SOD1: variants seen among roughly 807,000 people sequenced by gnomAD.
SOD1 encodes the protein superoxide dismutase 1, also known as superoxide dismutase [Cu-Zn].
A neutral mutation model predicts 15.9 loss-of-function variants in SOD1; 8 were observed. The observed-to-expected ratio is 0.50, with a 90% CI of 0.30 to 0.91. SOD1 has a LOEUF of 0.91. Ranked by LOEUF, SOD1 falls within the 40% of genes least tolerant of loss-of-function variation. The pLI, the probability that SOD1 is intolerant of heterozygous loss-of-function variation, is 0.07. For missense variants in SOD1, 137 were observed against 194.5 expected (o/e 0.70, Z 1.76); for synonymous variants, 86 against 71.2 (o/e 1.21, Z -1.04).
chr21:31,667,455 G>A (rs1257447222), intron 4 of SOD1, 80 bp downstream of exon 4: 19 of 1,040,682 alleles, frequency 1.8e-5, no homozygotes, highest in Admixed American at 5.1e-5. Context: ...TGTTAGTCGC[G>A]GTTTCTAAAG....
chr21:31,667,484 T>TG (rs1374919196), intron 4 of SOD1, 109 bp downstream of exon 4: 8 of 866,326 alleles, frequency 9.2e-6, no homozygotes, highest in Admixed American at 3.4e-5. Context: ...AAACTGTACT[T>TG]GCAGTTCAAA....
At chr21:31,666,751 A>C in intron 3 of SOD1, 3 of 565,622 alleles carry the variant, frequency 5.3e-6, no homozygotes, top group Non-Finnish European at 9.5e-6. Context: ...CATTTATTGA[A>C]TATAGAACTA....
Position 31,667,198 on chromosome 21 carries a change from G to A in SOD1, c.240-60G>A. 2 of 1,324,148 alleles carry A rather than the reference G, an allele frequency of 1.5e-6. 1 individual carries two copies. Among genetic ancestry groups the A allele is most frequent in the South Asian group, 2.4e-5 (2 of 84,268 alleles). 82.0% of individuals were successfully genotyped at this position (1,324,148 alleles called of 1,614,324 possible). A position where few individuals can be genotyped will look rare whatever the true frequency, so the allele number is the denominator to read the frequency against. ...TCAGTCAAGTTTTAATTTAGCTCATGAACTACCTTGATGTTTAGTGGCATC... is the reference window on the plus strand; with the variant it reads ...TCAGTCAAGTTTTAATTTAGCTCATAAACTACCTTGATGTTTAGTGGCATC... On this transcript the variant is annotated intron_variant, in intron 3 of 4. Transcript: ENST00000270142.
intron 2 of SOD1, among the ~76,000 whole-genome samples, chr21:31,666,121 A>C (rs1398733837): frequency 1.3e-5 from 2 of 151,980 alleles, no homozygotes; most frequent in Non-Finnish European, 2.9e-5. Flanking sequence ...ATAGGTGCGC[A>C]CCACCACGCC....
intron 2 of SOD1, among the ~76,000 whole-genome samples, chr21:31,665,055 A>G (rs569973474): frequency 2.6e-4 from 40 of 152,132 alleles, no homozygotes; most frequent in Non-Finnish European, 4.7e-4. Context: ...GCATAATGCC[A>G]TGTAAGAGTA....
chr21:31,667,443 A>T (rs1019732764), intron 4 of SOD1, 68 bp downstream of exon 4: 14 of 1,155,964 alleles, frequency 1.2e-5, no homozygotes, highest in Non-Finnish European at 1.7e-5. Flanking sequence ...TTTCACTTTG[A>T]TTGTTAGTCG....
In SOD1 at chr21:31,667,380, G is replaced by C; in HGVS notation, c.357+5G>C. The C allele has an allele frequency of 6.3e-7, 1 of 1,595,158 alleles. No homozygotes were observed. The highest frequency in any genetic ancestry group is 8.6e-7 in the Non-Finnish European group (1 of 1,162,648). ...ATCATTGGCCGCACACTGGTGGTAA[G>C]TTTTCATAAAAGGATATGCATAAAA... On this transcript the variant is annotated splice_donor_5th_base_variant and intron_variant, in intron 4 of 4. Coordinates refer to ENST00000270142, the MANE Select transcript of SOD1 (RefSeq NM_000454.5).
chr21:31,663,319 G>A (rs2049565198), intron 1 of SOD1, among the ~76,000 whole-genome samples: 2 of 152,246 alleles, frequency 1.3e-5, no homozygotes, highest in South Asian at 2.1e-4. Flanking sequence ...CAGCCTGGGC[G>A]ACAGAGCGAG....
intron 1 of SOD1, among the ~76,000 whole-genome samples, chr21:31,661,211 A>G (rs1476074537): frequency 6.6e-6 from 1 of 152,220 alleles, no homozygotes. Flanking sequence ...AAATGTCTGA[A>G]ATATATGTGA....
chr21:31,667,072 G>T (rs2049599922), intron 3 of SOD1, 186 bp from the exon 4 acceptor site: 2 of 637,264 alleles, frequency 3.1e-6, no homozygotes, highest in Non-Finnish European at 5.7e-6. Flanking sequence ...ATCAGGTGCA[G>T]CCCCATCTTT....
intron 3 of SOD1, 195 bp from the exon 4 acceptor site, chr21:31,667,063 T>A (rs1311094938): frequency 1.6e-6 from 1 of 619,326 alleles, no homozygotes; most frequent in African/African-American, 1.8e-5. Flanking sequence ...ACTTCTGAAA[T>A]CAGGTGCAGC....
At chr21:31,667,020 C>T (rs2049599344) in intron 3 of SOD1, 1 of 569,536 alleles carries the variant, frequency 1.8e-6, no homozygotes, top group African/African-American at 1.9e-5. Flanking sequence ...AATTAACAGG[C>T]ATAACTCAGT....
At chr21:31,662,370 C>A (rs2049555304) in intron 1 of SOD1, among the ~76,000 whole-genome samples, 1 of 152,190 alleles carries the variant, frequency 6.6e-6, no homozygotes, top group Non-Finnish European at 1.5e-5. Context: ...AGTGGAAAGT[C>A]ACATCTTAAG....
chr21:31,661,676 T>TA (rs2049550089), intron 1 of SOD1: 1 of 152,544 alleles, frequency 6.6e-6, no homozygotes, highest in African/African-American at 2.4e-5. Flanking sequence ...GTGCTATTCT[T>TA]AAGACGCCTC....
Position 31,668,706 on chromosome 21 carries a change from C to A in SOD1, c.*128C>A. 1 of 746,540 alleles carries A rather than the reference C, an allele frequency of 1.3e-6. No individual in the cohort carries two copies. Among genetic ancestry groups the A allele is most frequent in the Non-Finnish European group, 2.4e-6 (1 of 421,384 alleles). 46.2% of individuals were successfully genotyped at this position (746,540 alleles called of 1,614,324 possible). On this transcript the variant is annotated 3_prime_UTR_variant, in exon 5 of 5. Coordinates refer to ENST00000270142, the MANE Select transcript of SOD1 (RefSeq NM_000454.5). ...TAATTGTGTGACTTTTTCAGAGTTG[C>A]TTTAAAGTACCTGTAGTGAGAAACT...
intron 2 of SOD1, among the ~76,000 whole-genome samples, chr21:31,665,089 T>G (rs903725681): frequency 1.3e-5 from 2 of 152,128 alleles, no homozygotes; most frequent in African/African-American, 4.8e-5. Flanking sequence ...AACACAGGCT[T>G]CTTAGTGGGA....
intron 1 of SOD1, among the ~76,000 whole-genome samples, chr21:31,662,081 TGTTATTCACTTAAGTTCATAGCCTG>T (rs1478590892): frequency 6.6e-6 from 1 of 152,174 alleles, no homozygotes; most frequent in African/African-American, 2.4e-5. Flanking sequence ...CCCAGGCCTG[TGTTATTCACTTAAGTTCATAGCCTG>T]GTCCCTGCAG....
chr21:31,668,501 G>A lies in SOD1; in HGVS notation c.388G>A (p.Gly130Ser), dbSNP rs1464048449. The A allele has an allele frequency of 6.2e-6, 10 of 1,613,822 alleles. No homozygotes were observed. In the Admixed American group the frequency reaches 1.2e-4, roughly 19 times the overall value. ...TGAAAAAGCAGATGACTTGGGCAAAGGTGGAAATGAAGAAAGTACAAAGAC... is the reference window on the plus strand; with the variant it reads ...TGAAAAAGCAGATGACTTGGGCAAAAGTGGAAATGAAGAAAGTACAAAGAC... ...VHEKADDLGK[G>S]GNEESTKTGN... The change falls in exon 5 of 5, where the codon GGT becomes AGT. Residue 130 changes from glycine to serine, a missense_variant. Physicochemically the swap from Gly to Ser is moderately conservative, Grantham distance 56. Transcript: ENST00000270142.
At chr21:31,661,586 TCTGTTGA>T (rs1448037690) in intron 1 of SOD1, 2 of 152,422 alleles carry the variant, frequency 1.3e-5, no homozygotes, top group African/African-American at 4.8e-5. Context: ...ATGGTCTCGA[TCTGTTGA>T]CGTCGTGATC....
Sources: gnomAD v4.1 joint callset for allele counts (sites outside exome capture counted in the v4.1 genomes callset) on GRCh38, gnomAD v4.1.1 for gene constraint, MANE v1.5 for transcripts, NCBI Gene and HGNC (gene_info 2026-07-23, HGNC 2026-07-21) for gene names.